The following MACROD2 variants were observed in gnomAD, a reference collection of about 807,000 sequenced individuals.
MACROD2 encodes mono-ADP ribosylhydrolase 2, also known as ADP-ribose glycohydrolase MACROD2.
Under a neutral mutation model 70.4 loss-of-function variants are expected in MACROD2, and 36 were observed. The ratio of observed to expected loss-of-function variants is 0.51; its 90% CI spans 0.39 to 0.68. MACROD2 has a LOEUF of 0.68. MACROD2 is among the 30% of genes least tolerant of loss of function. The probability of loss-of-function intolerance (pLI) is 0.00; values close to 1 mark genes in which losing one functional copy is unlikely to be tolerated. For missense variants in MACROD2, 496 were observed against 538.4 expected, an observed-to-expected ratio of 0.92 and a Z score of 0.78; for synonymous variants, 172 against 178.8, an observed-to-expected ratio of 0.96 and a Z score of 0.30.
chr20:15,344,493 G>A (rs1010945546), intron 6 of MACROD2, among the ~76,000 whole-genome samples: 7 of 152,160 alleles, frequency 4.6e-5, no homozygotes, highest in South Asian at 2.1e-4. Context: ...GGGTTTGACC[G>A]CTCAAATGTA....
intron 8 of MACROD2, among the ~76,000 whole-genome samples, chr20:15,512,957 G>A (rs983860965): frequency 3.3e-5 from 5 of 152,182 alleles, no homozygotes; most frequent in Non-Finnish European, 5.9e-5. Flanking sequence ...TAAGCACAGG[G>A]CAGCTTAGGA....
chr20:15,619,159 G>A (rs944285659), intron 8 of MACROD2, among the ~76,000 whole-genome samples: 1 of 152,152 alleles, frequency 6.6e-6, no homozygotes, highest in African/African-American at 2.4e-5. Context: ...GCCTCAGGCC[G>A]CATGACTCCT....
chr20:14,570,238 C>A (rs1028387445), intron 4 of MACROD2, among the ~76,000 whole-genome samples: 4 of 151,986 alleles, frequency 2.6e-5, no homozygotes, highest in African/African-American at 9.7e-5. Flanking sequence ...GTGAAAGAAA[C>A]CACTGGATAC....
chr20:14,954,540 TATAAATTATAA>T (rs1247608981), intron 5 of MACROD2, among the ~76,000 whole-genome samples: 3 of 139,136 alleles, frequency 2.2e-5, no homozygotes, highest in Admixed American at 7.7e-5. Flanking sequence ...TTATATATAA[TATAAATTATAA>T]ATAAATTATA....
chr20:15,059,716 C>A (rs1362567147), intron 5 of MACROD2, among the ~76,000 whole-genome samples: 1 of 152,160 alleles, frequency 6.6e-6, no homozygotes, highest in Non-Finnish European at 1.5e-5. Flanking sequence ...ATAGGAATTT[C>A]ATGTGACTTC....
intron 5 of MACROD2, among the ~76,000 whole-genome samples, chr20:14,792,467 A>T (rs753487553): frequency 4.6e-5 from 7 of 152,120 alleles, no homozygotes; most frequent in Non-Finnish European, 4.4e-5. Flanking sequence ...TAGTCTTCAA[A>T]GATTAAAGCT....
At chr20:15,348,577 A>G (rs2078192080) in intron 6 of MACROD2, among the ~76,000 whole-genome samples, 3 of 152,226 alleles carry the variant, frequency 2.0e-5, no homozygotes, top group African/African-American at 7.2e-5. Context: ...TATAAAGGAA[A>G]GAGGTTTAAT....
chr20:15,263,345 G>A (rs1601319474), intron 6 of MACROD2, among the ~76,000 whole-genome samples: 2 of 151,796 alleles, frequency 1.3e-5, no homozygotes, highest in African/African-American at 4.8e-5. Flanking sequence ...CACTATAGAT[G>A]TATAGATTTG....
chr20:16,036,355 C>G (rs2067236316), intron 15 of MACROD2, among the ~76,000 whole-genome samples: 1 of 151,878 alleles, frequency 6.6e-6, no homozygotes. Context: ...ATCTCAGTAT[C>G]TTTTCTTCTA....
intron 3 of MACROD2, among the ~76,000 whole-genome samples, chr20:14,481,001 G>A (rs1166431661): frequency 6.6e-6 from 1 of 151,972 alleles, no homozygotes; most frequent in African/African-American, 2.4e-5. Flanking sequence ...TTTTTTATTT[G>A]CTACTTCAGG....
chr20:14,123,152 A>G (rs556887487), intron 3 of MACROD2, among the ~76,000 whole-genome samples: 18 of 152,298 alleles, frequency 1.2e-4, no homozygotes, highest in Non-Finnish European at 2.4e-4. Context: ...AAAGTATACA[A>G]TTCTTAACCT....
chr20:14,717,518 G>C (rs1175326541), intron 5 of MACROD2, among the ~76,000 whole-genome samples: 2 of 148,522 alleles, frequency 1.3e-5, no homozygotes, highest in East Asian at 3.9e-4. Context: ...CTGCCATACT[G>C]AATACCTTTT....
chr20:15,680,319 T>C (rs1461738950), intron 8 of MACROD2, among the ~76,000 whole-genome samples: 1 of 152,164 alleles, frequency 6.6e-6, no homozygotes, highest in Non-Finnish European at 1.5e-5. Context: ...CCCAGGGTTC[T>C]TTGGAGTAGT....
At chr20:16,034,602 A>C (rs1370960874) in intron 15 of MACROD2, among the ~76,000 whole-genome samples, 1 of 151,990 alleles carries the variant, frequency 6.6e-6, no homozygotes, top group Non-Finnish European at 1.5e-5. Flanking sequence ...CACAGTGAGC[A>C]CAGTTTATTT....
chr20:15,220,669 A>G (rs1293848893), intron 5 of MACROD2, among the ~76,000 whole-genome samples: 2 of 152,254 alleles, frequency 1.3e-5, no homozygotes, highest in East Asian at 3.8e-4. Flanking sequence ...CTCTGTTCAT[A>G]TAGAGGAATT....
intron 6 of MACROD2, among the ~76,000 whole-genome samples, chr20:15,342,545 G>A (rs2078121588): frequency 6.6e-6 from 1 of 152,162 alleles, no homozygotes; most frequent in Non-Finnish European, 1.5e-5. Flanking sequence ...GGACAAAAAT[G>A]TATGGGATGG....
At chr20:15,716,698 A>C (rs2050712910) in intron 8 of MACROD2, among the ~76,000 whole-genome samples, 1 of 152,244 alleles carries the variant, frequency 6.6e-6, no homozygotes, top group South Asian at 2.1e-4. Context: ...CAAAAAGAAC[A>C]GAAAAGAATA....
At chr20:14,026,325 G>T (rs754547675) in intron 2 of MACROD2, among the ~76,000 whole-genome samples, 1 of 152,082 alleles carries the variant, frequency 6.6e-6, no homozygotes, top group Non-Finnish European at 1.5e-5. Flanking sequence ...TTTAATCGGG[G>T]CATTTAGCCT....
At chr20:14,432,827 G>T (rs1223283475) in intron 3 of MACROD2, among the ~76,000 whole-genome samples, 2 of 152,106 alleles carry the variant, frequency 1.3e-5, no homozygotes, top group African/African-American at 4.8e-5. Flanking sequence ...GGTAGTAAAT[G>T]ACCCTCTAGT....
Sources: gnomAD v4.1 joint callset for allele counts (sites outside exome capture counted in the v4.1 genomes callset) on GRCh38, gnomAD v4.1.1 for gene constraint, MANE v1.5 for transcripts, NCBI Gene and HGNC (gene_info 2026-07-23, HGNC 2026-07-21) for gene names.